The following HDHD2 variants were observed in gnomAD, a reference collection of about 807,000 sequenced individuals.
The protein encoded by HDHD2 is haloacid dehalogenase-like hydrolase domain-containing protein 2.
Under a neutral mutation model 24.8 loss-of-function variants are expected in HDHD2, and 26 were observed. That is an observed-to-expected ratio of 1.05 (90% CI 0.77 to 1.45). HDHD2 has a LOEUF of 1.45. Among genes scored for constraint, HDHD2 ranks in the 40% most tolerant of loss-of-function variants. The pLI, the probability that HDHD2 is intolerant of heterozygous loss-of-function variation, is 0.00. For synonymous variants in HDHD2, 128 were observed against 114.9 expected (o/e 1.11, Z -0.73); for missense variants, 299 against 313.4 (o/e 0.95, Z 0.35).
intron 4 of HDHD2, among the ~76,000 whole-genome samples, chr18:47,129,121 G>C (rs537639015): frequency 7.9e-5 from 12 of 151,844 alleles, no homozygotes; most frequent in African/African-American, 2.9e-4. Context: ...TACATCCAAA[G>C]GTAAATTATA....
intron 4 of HDHD2, among the ~76,000 whole-genome samples, chr18:47,127,320 G>T (rs1352628288): frequency 1.3e-5 from 2 of 152,110 alleles, no homozygotes; most frequent in African/African-American, 4.8e-5. Context: ...TAAAAAGCAT[G>T]TTACTATATA....
At chr18:47,145,476 T>C (rs1360610952) in intron 1 of HDHD2, among the ~76,000 whole-genome samples, 1 of 152,222 alleles carries the variant, frequency 6.6e-6, no homozygotes, top group Non-Finnish European at 1.5e-5. Flanking sequence ...CCAATATGTG[T>C]AGAAAATTCA....
At chr18:47,120,477 A>C (rs139507566) in intron 4 of HDHD2, among the ~76,000 whole-genome samples, 1,637 of 152,294 alleles carry the variant, frequency 0.011, 10 homozygotes, top group Middle Eastern at 0.024. Context: ...CTTTGTCTTA[A>C]GGGAATTTTG....
Position 47,128,250 on chromosome 18 carries a change from CCT to C in HDHD2, c.395+1992_395+1993del, listed in dbSNP as rs893178755. Reference sequence around the variant, plus strand: ...TTATGTCAACATACATTTTTATTTCCCTGAGTCTAGTATTCATTAAGACAGAG... The same window carrying C: ...TTATGTCAACATACATTTTTATTTCCGAGTCTAGTATTCATTAAGACAGAG... On this transcript the variant is annotated intron_variant, in intron 4 of 6. Coordinates refer to ENST00000300605, the MANE Select transcript of HDHD2 (RefSeq NM_032124.5). Among the ~76,000 whole-genome samples the C allele has an allele frequency of 5.3e-4, 81 of 152,110 alleles. 3 individuals carry two copies. The highest frequency in any genetic ancestry group is 4.4e-5 in the Non-Finnish European group (3 of 68,026).
intron 3 of HDHD2, among the ~76,000 whole-genome samples, chr18:47,132,839 T>C (rs1700530551): frequency 3.3e-5 from 5 of 152,160 alleles, no homozygotes; most frequent in Admixed American, 3.3e-4. Context: ...GATTGAAAAA[T>C]ATTTCATGTT....
chr18:47,133,593 A>C (rs547242684), intron 3 of HDHD2, among the ~76,000 whole-genome samples: 1 of 151,734 alleles, frequency 6.6e-6, no homozygotes, highest in Non-Finnish European at 1.5e-5. Context: ...TACAGTCCCA[A>C]CAACAGTGTA....
At chr18:47,147,429 G>C (rs1432783366) in intron 1 of HDHD2, among the ~76,000 whole-genome samples, 1 of 152,100 alleles carries the variant, frequency 6.6e-6, no homozygotes, top group African/African-American at 2.4e-5. Context: ...AGACTAGACC[G>C]TTCCTAGGGA....
intron 4 of HDHD2, among the ~76,000 whole-genome samples, chr18:47,124,921 T>C (rs1009708353): frequency 2.6e-5 from 4 of 152,112 alleles, no homozygotes; most frequent in Non-Finnish European, 5.9e-5. Context: ...TCCCAGCACT[T>C]TGAGAGACTA....
At chr18:47,122,318 C>T (rs1241216679) in intron 4 of HDHD2, among the ~76,000 whole-genome samples, 1 of 152,140 alleles carries the variant, frequency 6.6e-6, no homozygotes, top group African/African-American at 2.4e-5. Context: ...AAGCAGTAAA[C>T]TAGTTCAGGG....
At chr18:47,126,811 A>G (rs946970350) in intron 4 of HDHD2, among the ~76,000 whole-genome samples, 6 of 152,188 alleles carry the variant, frequency 3.9e-5, no homozygotes, top group Non-Finnish European at 5.9e-5. Context: ...AATCATAAAG[A>G]AAGCATAAAT....
At position 47,137,224 on chromosome 18, in the gene HDHD2, A is replaced by G. The variant is rs140995814; in HGVS notation, c.-10-775T>C. ...AATTTGATGGGCAATCAATCACTGA[A>G]ACAGACATACCTGCACATTTGGAAA... On this transcript the variant is annotated intron_variant, in intron 1 of 6. Coordinates refer to ENST00000300605, the MANE Select transcript of HDHD2 (RefSeq NM_032124.5). The G allele has an allele frequency of 2.7e-3, 1,703 of 634,832 alleles. 6 individuals are homozygous for G. The highest frequency in any genetic ancestry group is 4.8e-3 in the Admixed American group (260 of 54,472). The allele number at this position is 634,832 out of a possible 1,614,324, so 39.3% of individuals were successfully genotyped here.
chr18:47,129,054 A>T (rs927308796), intron 4 of HDHD2, among the ~76,000 whole-genome samples: 1 of 152,174 alleles, frequency 6.6e-6, no homozygotes, highest in Non-Finnish European at 1.5e-5. Context: ...CCAGGCTATT[A>T]AAGAAAAATT....
chr18:47,144,618 A>AG (rs534991338), intron 1 of HDHD2, among the ~76,000 whole-genome samples: 293 of 152,128 alleles, frequency 1.9e-3, no homozygotes, highest in African/African-American at 6.7e-3. Context: ...TTTTCAGCCC[A>AG]AACAGCAAAG....
intron 1 of HDHD2, chr18:47,137,000 G>C (rs2063773165): frequency 1.6e-6 from 1 of 629,952 alleles, no homozygotes; most frequent in Non-Finnish European, 3.0e-6. Flanking sequence ...GGCAGCTGAG[G>C]AGACTCTGGC....
rs1599915327 is a variant in HDHD2, at chr18:47,108,305, ACCATT to A, written c.*372_*376del. On this transcript the variant is annotated 3_prime_UTR_variant, in exon 7 of 7. Transcript: ENST00000300605. ...TACATTACTTTATAATTTAAAAACC[ACCATT>A]CAACTTTCTTCACAGTCTGAAATCC... is the stretch of plus-strand genomic sequence containing the variant. The A allele has an allele frequency of 1.2e-5, 2 of 168,848 alleles. No individual in the cohort carries two copies. Among genetic ancestry groups the A allele is most frequent in the East Asian group, 3.3e-4 (2 of 6,110 alleles). The allele number at this position is 168,848 out of a possible 1,614,324, so 10.5% of individuals were successfully genotyped here.
intron 1 of HDHD2, among the ~76,000 whole-genome samples, chr18:47,147,990 C>CATT (rs2063889331): frequency 7.2e-6 from 1 of 137,996 alleles, no homozygotes; most frequent in African/African-American, 2.7e-5. Context: ...TTTTTTCTTT[C>CATT]TTTTTTTTTT....
At chr18:47,116,327 C>T (rs1048326206) in intron 4 of HDHD2, among the ~76,000 whole-genome samples, 7 of 152,164 alleles carry the variant, frequency 4.6e-5, no homozygotes, top group African/African-American at 1.7e-4. Context: ...AAGTCATCTA[C>T]TTCGTTAAAA....
At chr18:47,130,928 T>C (rs1381509651) in intron 3 of HDHD2, among the ~76,000 whole-genome samples, 1 of 152,200 alleles carries the variant, frequency 6.6e-6, no homozygotes, top group Non-Finnish European at 1.5e-5. Flanking sequence ...ATAACAGAAC[T>C]TCAGACATGA....
In HDHD2 at chr18:47,136,424, C is replaced by G; in HGVS notation, c.16G>C (p.Ala6Pro). The change falls in exon 2 of 7, where the codon GCA becomes CCA. Residue 6 changes from alanine (A) to proline (P), a missense_variant. Transcript: ENST00000300605. ...AGATCTACCAAAACAGCTTTTAATGCACGGCATGCTGCCATCCTTCATTCC... is the reference window on the plus strand; with the variant it reads ...AGATCTACCAAAACAGCTTTTAATGGACGGCATGCTGCCATCCTTCATTCC... MAACR[A>P]LKAVLVDLSG... 1 of 1,612,706 alleles carries G rather than the reference C, an allele frequency of 6.2e-7. No homozygotes were observed. Among genetic ancestry groups the G allele is most frequent in the Non-Finnish European group, 8.5e-7 (1 of 1,179,860 alleles).
Sources: allele counts gnomAD v4.1 joint callset (sites outside exome capture counted in the v4.1 genomes callset), GRCh38; gene constraint gnomAD v4.1.1; transcripts MANE v1.5; gene names NCBI Gene and HGNC (gene_info 2026-07-23, HGNC 2026-07-21).